The following POLR1A variants were observed in gnomAD, a reference collection of about 807,000 sequenced individuals.
POLR1A encodes DNA-directed RNA polymerase I subunit RPA1.
A neutral mutation model predicts 205.3 loss-of-function variants in POLR1A; 84 were observed. The observed-to-expected ratio is 0.41, with a 90% CI of 0.34 to 0.49. The LOEUF is 0.49. Among genes scored for constraint, POLR1A ranks in the 20% least tolerant of loss-of-function variants. The pLI, the probability that POLR1A is intolerant of heterozygous loss-of-function variation, is 0.22. For synonymous variants in POLR1A, 799 were observed against 863.7 expected, an observed-to-expected ratio of 0.93 and a Z score of 1.31; for missense variants, 1,645 against 2,204.5, an observed-to-expected ratio of 0.75 and a Z score of 5.08.
intron 3 of POLR1A, among the ~76,000 whole-genome samples, chr2:86,091,446 T>A (rs1400979342): frequency 6.6e-6 from 1 of 151,960 alleles, no homozygotes; most frequent in Non-Finnish European, 1.5e-5. Context: ...TAAAGGTCAA[T>A]GACAGACAAA....
chr2:86,059,971 A>G (rs957207662), intron 14 of POLR1A, among the ~76,000 whole-genome samples: 3 of 152,190 alleles, frequency 2.0e-5, no homozygotes, highest in Non-Finnish European at 4.4e-5. Flanking sequence ...GTTTACTTTT[A>G]TAGTTTAAAA....
At chr2:86,050,174 C>G (rs1464076510) in intron 16 of POLR1A, among the ~76,000 whole-genome samples, 1 of 152,134 alleles carries the variant, frequency 6.6e-6, no homozygotes, top group Non-Finnish European at 1.5e-5. Context: ...CCTCGGCCTC[C>G]CAAAGTGCTG....
In POLR1A at chr2:86,075,089, C is replaced by T. The variant is rs780248678; in HGVS notation, c.1552G>A (p.Val518Met). Residue 518 changes from valine to methionine, a missense_variant, in exon 12 of 34, where the codon GTG becomes ATG. By Grantham distance (21) the Val-to-Met change is conservative. Transcript: ENST00000263857. ...SAVDMTQREA[V>M]AKQLLTPATG... Reference sequence around the variant, plus strand: ...GCTGGGGTCAGAAGCTGCTTGGCCACGGCCTCTCGCTGGGTCATGTCCACA... The same window carrying T: ...GCTGGGGTCAGAAGCTGCTTGGCCATGGCCTCTCGCTGGGTCATGTCCACA... The T allele has an allele frequency of 1.3e-5, 21 of 1,612,422 alleles. 1 individual carries two copies. Among genetic ancestry groups the T allele is most frequent in the Middle Eastern group, 4.0e-4 (2 of 5,046 alleles).
intron 7 of POLR1A, 109 bp downstream of exon 7, chr2:86,082,973 G>A (rs929114662): frequency 3.7e-6 from 3 of 805,320 alleles, no homozygotes; most frequent in Admixed American, 4.3e-5. Flanking sequence ...AGTTCCAGGA[G>A]GAAGCTACAA....
At chr2:86,056,408 C>T (rs1168502678) in intron 14 of POLR1A, among the ~76,000 whole-genome samples, 1 of 151,322 alleles carries the variant, frequency 6.6e-6, no homozygotes, top group Non-Finnish European at 1.5e-5. Context: ...GCCGAGATTG[C>T]GCCACTACAC....
At chr2:86,052,331 G>A (rs1000987804) in intron 16 of POLR1A, among the ~76,000 whole-genome samples, 9 of 152,218 alleles carry the variant, frequency 5.9e-5, no homozygotes, top group African/African-American at 1.7e-4. Flanking sequence ...GTGTAGCAGG[G>A]AATGGGGTTG....
intron 14 of POLR1A, among the ~76,000 whole-genome samples, chr2:86,054,812 TC>T (rs1672868669): frequency 6.6e-6 from 1 of 152,124 alleles, no homozygotes; most frequent in African/African-American, 2.4e-5. Flanking sequence ...TGCAGAGAGC[TC>T]AAAGGGAGAC....
At chr2:86,076,827 G>A (rs1673293806) in intron 11 of POLR1A, among the ~76,000 whole-genome samples, 1 of 152,250 alleles carries the variant, frequency 6.6e-6, no homozygotes, top group Non-Finnish European at 1.5e-5. Context: ...CCTGTCCAGA[G>A]AGGGCAACCA....
Position 86,074,995 on chromosome 2 carries a change from C to T in POLR1A, c.1611+35G>A, listed in dbSNP as rs777526012. ...CAATCACCAGAATCCGAACAGGAGC[C>T]GGATGGGTCCCTGACCAAAGCTGCC... On this transcript the variant is annotated intron_variant, in intron 12 of 33. Coordinates refer to ENST00000263857, the MANE Select transcript of POLR1A (RefSeq NM_015425.6). The T allele has an allele frequency of 9.1e-5, 132 of 1,443,316 alleles. 1 individual carries two copies. The highest frequency in any genetic ancestry group is 4.8e-4 in the Middle Eastern group (2 of 4,144). 89.4% of individuals were successfully genotyped at this position (1,443,316 alleles called of 1,614,324 possible). A position where few individuals can be genotyped will look rare whatever the true frequency, so the allele number is the denominator to read the frequency against.
At chr2:86,094,104 A>T (rs887024410) in intron 3 of POLR1A, among the ~76,000 whole-genome samples, 1 of 152,218 alleles carries the variant, frequency 6.6e-6, no homozygotes, top group African/African-American at 2.4e-5. Flanking sequence ...CACTTTGATC[A>T]CTTGAATAAA....
At chr2:86,029,245 A>C (rs1383809499) in intron 31 of POLR1A, among the ~76,000 whole-genome samples, 1 of 152,062 alleles carries the variant, frequency 6.6e-6, no homozygotes, top group East Asian at 1.9e-4. Flanking sequence ...GTGTTTGGTA[A>C]AAGGGTTCAG....
intron 14 of POLR1A, among the ~76,000 whole-genome samples, chr2:86,064,021 A>G (rs1477451522): frequency 1.3e-5 from 2 of 152,218 alleles, no homozygotes; most frequent in African/African-American, 4.8e-5. Context: ...TTGGTTGCTG[A>G]TTTCCAAATT....
intron 8 of POLR1A, 21 bp downstream of exon 8, chr2:86,081,579 TA>T: frequency 4.2e-6 from 6 of 1,437,980 alleles, no homozygotes; most frequent in Non-Finnish European, 5.8e-6. Flanking sequence ...TCAGGTGAAA[TA>T]AGTTAATTAA....
chr2:86,033,936 A>C, intron 27 of POLR1A, 149 bp from the exon 28 acceptor site: 1 of 964,406 alleles, frequency 1.0e-6, no homozygotes, highest in Non-Finnish European at 1.5e-6. Context: ...ACTTGTCCCT[A>C]CCCGCTGTTT....
intron 28 of POLR1A, among the ~76,000 whole-genome samples, chr2:86,032,923 G>A (rs777187389): frequency 6.6e-6 from 1 of 152,200 alleles, no homozygotes; most frequent in Non-Finnish European, 1.5e-5. Context: ...CACGGAGCAG[G>A]AGAGACCTAG....
At position 86,071,063 on chromosome 2, in the gene POLR1A, G is replaced by A. The variant is rs373421518; in HGVS notation, c.1612-791C>T. Among the ~76,000 whole-genome samples the A allele has an allele frequency of 1.1e-3, 166 of 150,814 alleles. 3 individuals are homozygous for A. In the South Asian group the frequency reaches 0.034, roughly 31 times the overall value. Reference sequence around the variant, plus strand: ...GGGGCAATAGTGTATCCACACTATGGAATATTATGCAGTGATGAACAAGGA... The same window carrying A: ...GGGGCAATAGTGTATCCACACTATGAAATATTATGCAGTGATGAACAAGGA... On this transcript the variant is annotated intron_variant, in intron 12 of 33. Coordinates refer to ENST00000263857, the MANE Select transcript of POLR1A (RefSeq NM_015425.6).
In POLR1A at chr2:86,066,491, T is replaced by C. The variant is rs1446348945; in HGVS notation, c.1867-1026A>G. Among the ~76,000 whole-genome samples, 6 of 152,248 alleles carry C rather than the reference T, an allele frequency of 3.9e-5. No individual in the cohort carries two copies. In the East Asian group the frequency reaches 1.2e-3, roughly 29 times the overall value. On this transcript the variant is annotated intron_variant, in intron 13 of 33. Coordinates refer to ENST00000263857, the MANE Select transcript of POLR1A (RefSeq NM_015425.6). ...ACGCACGCTGAAGTAAAAATAGCTATGCTCACTGACGTTCTTTAAGATGTA... is the reference window on the plus strand; with the variant it reads ...ACGCACGCTGAAGTAAAAATAGCTACGCTCACTGACGTTCTTTAAGATGTA...
rs202216011 is a variant in POLR1A, at chr2:86,041,282, CTGTGTGTG to C, written c.3572+599_3572+606del. 2.2e-4 allele frequency among the ~76,000 whole-genome samples: 29 copies of C among 129,404 alleles called. 1 individual carries two copies. Among genetic ancestry groups the C allele is most frequent in the African/African-American group, 8.7e-4 (29 of 33,420 alleles). 84.9% of individuals were successfully genotyped at this position (129,404 alleles called of 152,430 possible). A position where few individuals can be genotyped will look rare whatever the true frequency, so the allele number is the denominator to read the frequency against. On this transcript the variant is annotated intron_variant, in intron 24 of 33. Transcript: ENST00000263857. ...GTGTGTGTGTGCTGATCTACAGTGT[CTGTGTGTG>C]TGTGTGTGTGTCTGTCCTAGTCCAA...
intron 16 of POLR1A, among the ~76,000 whole-genome samples, chr2:86,050,432 G>A (rs1672783040): frequency 6.6e-6 from 1 of 152,212 alleles, no homozygotes; most frequent in South Asian, 2.1e-4. Flanking sequence ...CGTGAAAGTG[G>A]GCATTCCCAT....
Sources: gnomAD v4.1 joint callset for allele counts (sites outside exome capture counted in the v4.1 genomes callset) on GRCh38, gnomAD v4.1.1 for gene constraint, MANE v1.5 for transcripts, NCBI Gene and HGNC (gene_info 2026-07-23, HGNC 2026-07-21) for gene names.